Variants in TNIK observed in about 807,000 individuals in gnomAD.
TNIK encodes TRAF2 and NCK-interacting protein kinase.
TNIK carries 49 observed loss-of-function variants against 191.3 expected under a neutral mutation model. That is an observed-to-expected ratio of 0.26 (90% CI 0.20 to 0.32). TNIK has a LOEUF of 0.32. TNIK is among the 10% of genes least tolerant of loss of function. TNIK has a pLI of 1.00. For synonymous variants in TNIK, 594 were observed against 600.9 expected (o/e 0.99, Z 0.17); for missense variants, 1,155 against 1,702.3 (o/e 0.68, Z 5.66).
chr3:171,138,316 G>C lies in TNIK; in HGVS notation c.1483C>G (p.Gln495Glu). 6.2e-7 allele frequency: 1 copy of C among 1,612,946 alleles called. No homozygotes were observed. Among genetic ancestry groups the C allele is most frequent in the Non-Finnish European group, 8.5e-7 (1 of 1,179,574 alleles). ...QAERLQRQLKQERDYLVSLQH... is the reference protein window; with the variant it reads ...QAERLQRQLKEERDYLVSLQH... Reference sequence around the variant, plus strand: ...AGGGAAACTAAGTAGTCTCTTTCTTGCTTTAGCTGCCTCTGCAGTCTTTCT... The same window carrying C: ...AGGGAAACTAAGTAGTCTCTTTCTTCCTTTAGCTGCCTCTGCAGTCTTTCT... Residue 495 changes from glutamine (Q) to glutamate (E), a missense_variant, in exon 15 of 33, where the codon CAA (glutamine) becomes GAA (glutamate). Transcript: ENST00000436636.
chr3:171,101,801 T>C (rs1723616494), intron 21 of TNIK, 168 bp from the exon 22 acceptor site: 1 of 643,188 alleles, frequency 1.6e-6, no homozygotes, highest in South Asian at 2.3e-5. Context: ...TTGTAGCGTG[T>C]AGAAGCTAGA....
At chr3:171,414,148 A>G (rs1048565783) in intron 1 of TNIK, among the ~76,000 whole-genome samples, 3 of 152,208 alleles carry the variant, frequency 2.0e-5, no homozygotes, top group African/African-American at 7.2e-5. Flanking sequence ...CACTTCTCCA[A>G]GAAGCACAAA....
At chr3:171,237,917 T>C (rs1744494478) in intron 2 of TNIK, among the ~76,000 whole-genome samples, 1 of 152,124 alleles carries the variant, frequency 6.6e-6, no homozygotes, top group South Asian at 2.1e-4. Context: ...TACCTAGAAG[T>C]AAACCTACCA....
At chr3:171,136,473 T>C (rs965497987) in intron 15 of TNIK, among the ~76,000 whole-genome samples, 1 of 152,138 alleles carries the variant, frequency 6.6e-6, no homozygotes, top group Non-Finnish European at 1.5e-5. Context: ...GAGAGTGCCT[T>C]GGAGATCTCA....
At chr3:171,233,491 A>G (rs1269633637) in intron 2 of TNIK, among the ~76,000 whole-genome samples, 1 of 152,170 alleles carries the variant, frequency 6.6e-6, no homozygotes, top group African/African-American at 2.4e-5. Flanking sequence ...TAGATGCTGC[A>G]GTGTGCCACC....
intron 16 of TNIK, among the ~76,000 whole-genome samples, chr3:171,127,693 A>C (rs1299646491): frequency 6.6e-6 from 1 of 152,242 alleles, no homozygotes; most frequent in African/African-American, 2.4e-5. Context: ...TGAAAGAATT[A>C]TATACAAATT....
chr3:171,283,187 A>G (rs912097306), intron 2 of TNIK, among the ~76,000 whole-genome samples: 2 of 151,236 alleles, frequency 1.3e-5, no homozygotes, highest in Non-Finnish European at 2.9e-5. Context: ...CCCTCATGTA[A>G]TGTTAGCAAC....
Position 171,385,505 on chromosome 3 carries a change from C to G in TNIK, c.58-15820G>C, listed in dbSNP as rs781459438. Among the ~76,000 whole-genome samples, 28 of 152,078 alleles carry G rather than the reference C, an allele frequency of 1.8e-4. 1 individual carries two copies. The highest frequency in any genetic ancestry group is 1.0e-4 in the Non-Finnish European group (7 of 68,024). The stretch of plus-strand genomic sequence containing the variant: ...AAGGATGGAGTTTGGGATCTCTGCT[C>G]TAACAAGTCAGACAAGCAGAACATA... On this transcript the variant is annotated intron_variant, in intron 1 of 32. Transcript: ENST00000436636.
intron 2 of TNIK, among the ~76,000 whole-genome samples, chr3:171,288,543 T>A (rs2108225980): frequency 6.6e-6 from 1 of 152,206 alleles, no homozygotes; most frequent in East Asian, 1.9e-4. Context: ...GTGCGGTGGC[T>A]CACGCCTGTA....
chr3:171,233,510 C>T (rs1004298574), intron 2 of TNIK, among the ~76,000 whole-genome samples: 16 of 152,120 alleles, frequency 1.1e-4, no homozygotes, highest in Admixed American at 7.9e-4. Context: ...CCAAGATTCT[C>T]GAGTACAGAC....
At chr3:171,264,577 C>T (rs1461221334) in intron 2 of TNIK, among the ~76,000 whole-genome samples, 1 of 152,054 alleles carries the variant, frequency 6.6e-6, no homozygotes, top group Non-Finnish European at 1.5e-5. Flanking sequence ...CTGGTCAGTA[C>T]TTGGGAGCAG....
chr3:171,221,616 T>C (rs1742353384), intron 3 of TNIK, among the ~76,000 whole-genome samples: 1 of 152,176 alleles, frequency 6.6e-6, no homozygotes, highest in African/African-American at 2.4e-5. Context: ...GTCTGTCTTG[T>C]TCACTGGATG....
chr3:171,343,132 G>A (rs1341543260), intron 2 of TNIK, among the ~76,000 whole-genome samples: 2 of 87,990 alleles, frequency 2.3e-5, no homozygotes, highest in East Asian at 5.0e-4. Context: ...AACCCTCAAG[G>A]TAGAGTCTAA....
chr3:171,108,593 T>G (rs997371606), intron 19 of TNIK, among the ~76,000 whole-genome samples: 1 of 152,238 alleles, frequency 6.6e-6, no homozygotes, highest in Non-Finnish European at 1.5e-5. Context: ...AGTTCTGATT[T>G]CTGAAAGTCC....
chr3:171,254,634 A>G (rs770034594), intron 2 of TNIK, among the ~76,000 whole-genome samples: 2 of 152,188 alleles, frequency 1.3e-5, no homozygotes, highest in Non-Finnish European at 2.9e-5. Flanking sequence ...TCCAATTTCC[A>G]TTACTGGATG....
At chr3:171,440,081 C>A (rs1411540062) in intron 1 of TNIK, among the ~76,000 whole-genome samples, 1 of 152,130 alleles carries the variant, frequency 6.6e-6, no homozygotes, top group East Asian at 1.9e-4. Flanking sequence ...ATAGCCAAGA[C>A]CATGCTAGGC....
intron 1 of TNIK, among the ~76,000 whole-genome samples, chr3:171,373,482 C>G (rs1021229860): frequency 6.6e-6 from 1 of 152,196 alleles, no homozygotes; most frequent in Non-Finnish European, 1.5e-5. Flanking sequence ...TACTCCACTC[C>G]ATTCACACAA....
At chr3:171,220,825 C>T (rs1043304364) in intron 3 of TNIK, among the ~76,000 whole-genome samples, 13 of 152,242 alleles carry the variant, frequency 8.5e-5, no homozygotes, top group African/African-American at 3.1e-4. Context: ...AACTATTGCT[C>T]ACCTTTATTA....
Position 171,145,722 on chromosome 3 carries a change from G to A in TNIK, c.1222-5213C>T, listed in dbSNP as rs192267823. On this transcript the variant is annotated intron_variant, in intron 12 of 32. Coordinates refer to ENST00000436636, the MANE Select transcript of TNIK (RefSeq NM_015028.4). The stretch of plus-strand genomic sequence containing the variant: ...ATTCTGAATTGTCATTAGAGGTCTA[G>A]TTTTAAGAGATAATCCTCATGCATA... Among the ~76,000 whole-genome samples the A allele has an allele frequency of 1.3e-4, 19 of 149,980 alleles. No individual in the cohort carries two copies. The East Asian group carries it at 3.3e-3, about 26-fold the overall frequency.
Sources: gnomAD v4.1 joint callset for allele counts (sites outside exome capture counted in the v4.1 genomes callset) on GRCh38, gnomAD v4.1.1 for gene constraint, MANE v1.5 for transcripts, NCBI Gene and HGNC (gene_info 2026-07-23, HGNC 2026-07-21) for gene names.